The following SBF2 variants were observed in gnomAD, a reference collection of about 807,000 sequenced individuals.
SBF2 encodes the protein SET binding factor 2.
In SBF2, 112 loss-of-function variants were observed where a neutral mutation model predicts 225.2. That is an observed-to-expected ratio of 0.50 (90% CI 0.43 to 0.58). SBF2 has a LOEUF of 0.58. SBF2 is among the 20% of genes least tolerant of loss of function. The pLI, the probability that SBF2 is intolerant of heterozygous loss-of-function variation, is 0.00. For synonymous variants in SBF2, 763 were observed against 773.3 expected, an observed-to-expected ratio of 0.99 and a Z score of 0.22; for missense variants, 1,996 against 2,206.2, an observed-to-expected ratio of 0.90 and a Z score of 1.91.
chr11:10,006,489 C>T (rs1169502384), intron 6 of SBF2, among the ~76,000 whole-genome samples: 3 of 152,216 alleles, frequency 2.0e-5, no homozygotes, highest in Non-Finnish European at 4.4e-5. Flanking sequence ...CATAGGGCCT[C>T]ATTCTAGCCC....
At chr11:10,068,604 G>A (rs1950724477) in intron 2 of SBF2, among the ~76,000 whole-genome samples, 2 of 152,136 alleles carry the variant, frequency 1.3e-5, no homozygotes, top group Admixed American at 6.5e-5. Context: ...TATACCTTAC[G>A]TAGCTTTTAT....
chr11:10,050,808 G>A (rs1486568779), intron 2 of SBF2, among the ~76,000 whole-genome samples: 1 of 152,142 alleles, frequency 6.6e-6, no homozygotes, highest in African/African-American at 2.4e-5. Context: ...TCCCAGGTGG[G>A]ATGGTGTGAG....
At chr11:9,960,697 C>T (rs1399414951) in intron 16 of SBF2, 1 of 152,148 alleles carries the variant, frequency 6.6e-6, no homozygotes, top group Non-Finnish European at 1.5e-5. Flanking sequence ...CGGAGTTTCG[C>T]TCTTTCACCC....
chr11:10,290,766 T>A (rs758576116), intron 1 of SBF2, among the ~76,000 whole-genome samples: 29 of 152,176 alleles, frequency 1.9e-4, no homozygotes, highest in Non-Finnish European at 2.6e-4. Flanking sequence ...TAGTTTTCAA[T>A]ATACAGAGAT....
chr11:10,200,231 C>T (rs1957523484), intron 1 of SBF2, among the ~76,000 whole-genome samples: 1 of 152,040 alleles, frequency 6.6e-6, no homozygotes, highest in Non-Finnish European at 1.5e-5. Flanking sequence ...CATTTTCCCC[C>T]ATATAAAAAA....
intron 2 of SBF2, among the ~76,000 whole-genome samples, chr11:10,114,683 C>A (rs916898506): frequency 7.2e-5 from 11 of 152,250 alleles, no homozygotes; most frequent in Non-Finnish European, 2.9e-5. Context: ...GCTTTCAAAT[C>A]TTCCTGTTCC....
intron 2 of SBF2, among the ~76,000 whole-genome samples, chr11:10,130,204 T>C (rs1301715002): frequency 2.6e-5 from 4 of 151,674 alleles, no homozygotes; most frequent in Non-Finnish European, 1.5e-5. Flanking sequence ...CTACTAAAAA[T>C]ACAAACAATT....
intron 6 of SBF2, among the ~76,000 whole-genome samples, chr11:10,003,376 T>C (rs1280543098): frequency 1.3e-5 from 2 of 151,416 alleles, no homozygotes; most frequent in African/African-American, 4.8e-5. Context: ...TTTTTTCTTT[T>C]TTTTTTTTTG....
chr11:10,031,648 G>A (rs977356623), intron 3 of SBF2, among the ~76,000 whole-genome samples: 2 of 152,236 alleles, frequency 1.3e-5, no homozygotes, highest in South Asian at 4.1e-4. Flanking sequence ...AAGGCTTGCA[G>A]AATGCTTGGT....
chr11:9,939,463 T>C (rs1436421086), intron 16 of SBF2, among the ~76,000 whole-genome samples: 2 of 152,184 alleles, frequency 1.3e-5, no homozygotes, highest in African/African-American at 2.4e-5. Context: ...GAAGTAACAA[T>C]AACATAAGTT....
intron 2 of SBF2, among the ~76,000 whole-genome samples, chr11:10,117,205 C>G (rs1284572716): frequency 9.9e-5 from 15 of 152,114 alleles, no homozygotes; most frequent in Admixed American, 9.8e-4. Context: ...CTTCAGGAGG[C>G]TGAGGCAGGT....
At chr11:10,143,767 G>T (rs1954760186) in intron 2 of SBF2, among the ~76,000 whole-genome samples, 1 of 151,936 alleles carries the variant, frequency 6.6e-6, no homozygotes, top group East Asian at 1.9e-4. Context: ...GCCCAGGCCG[G>T]ACTGCAGTAG....
chr11:9,813,763 GAA>G (rs932805572), intron 29 of SBF2, among the ~76,000 whole-genome samples: 1 of 152,094 alleles, frequency 6.6e-6, no homozygotes. Context: ...CCAACACGGT[GAA>G]ATCCCATCTC....
intron 2 of SBF2, among the ~76,000 whole-genome samples, chr11:10,182,235 G>A (rs995300329): frequency 1.3e-5 from 2 of 152,142 alleles, no homozygotes; most frequent in African/African-American, 4.8e-5. Context: ...TCAAAATGGG[G>A]GGGTAGGTAA....
chr11:9,901,961 G>A (rs12807067), intron 16 of SBF2, among the ~76,000 whole-genome samples: 1 of 152,152 alleles, frequency 6.6e-6, no homozygotes, highest in Non-Finnish European at 1.5e-5. Context: ...CCAGCATAAA[G>A]CAGCTTCCTT....
intron 6 of SBF2, among the ~76,000 whole-genome samples, chr11:10,014,397 C>T (rs1401645883): frequency 6.6e-6 from 1 of 150,386 alleles, no homozygotes; most frequent in Non-Finnish European, 1.5e-5. Context: ...TTGTATGTTC[C>T]TTCTTCCACT....
chr11:10,033,320 C>A (rs989277797), intron 3 of SBF2, among the ~76,000 whole-genome samples: 1 of 152,042 alleles, frequency 6.6e-6, no homozygotes, highest in African/African-American at 2.4e-5. Context: ...AAGTAGATAA[C>A]CATTTCAAAT....
At chr11:9,833,604 T>C (rs916130402) in intron 26 of SBF2, among the ~76,000 whole-genome samples, 17 of 151,796 alleles carry the variant, frequency 1.1e-4, no homozygotes, top group African/African-American at 3.6e-4. Context: ...GTATTTTCAA[T>C]AGAGACGGGG....
Position 10,029,846 on chromosome 11 carries a change from A to C in SBF2, c.432T>G (p.Tyr144Ter). 1 of 1,613,764 alleles carries C rather than the reference A, an allele frequency of 6.2e-7. No individual in the cohort carries two copies. Residue 144 changes from tyrosine (Y) to a stop codon, truncating the protein, a stop_gained, in exon 5 of 40, where the codon TAT becomes TAG. Coordinates refer to ENST00000256190, the MANE Select transcript of SBF2 (RefSeq NM_030962.4). LOFTEE classifies it high-confidence loss of function. ...CCAAGGAGACATTCAGGCTGTCCACATACACGGTATAGATCAAACCCAGGC... is the reference window on the plus strand; with the variant it reads ...CCAAGGAGACATTCAGGCTGTCCACCTACACGGTATAGATCAAACCCAGGC... ...RACLGLIYTV[Y>*]VDSLNVSLES...
Sources: gnomAD v4.1 joint callset for allele counts (sites outside exome capture counted in the v4.1 genomes callset) on GRCh38, gnomAD v4.1.1 for gene constraint, MANE v1.5 for transcripts, NCBI Gene and HGNC (gene_info 2026-07-23, HGNC 2026-07-21) for gene names.